Variants in RECQL5 observed in about 807,000 individuals in gnomAD.
The protein encoded by RECQL5 is RecQ like helicase 5.
In RECQL5, 88 loss-of-function variants were observed where a neutral mutation model predicts 103.4. The observed-to-expected ratio is 0.85, with a 90% CI of 0.72 to 1.02. The LOEUF is 1.02. Ranked by LOEUF, RECQL5 falls within the 50% of genes least tolerant of loss-of-function variation. The pLI, the probability that RECQL5 is intolerant of heterozygous loss-of-function variation, is 0.00. For missense variants in RECQL5, 1,232 were observed against 1,284.3 expected (o/e 0.96, Z 0.62); for synonymous variants, 552 against 507.9 (o/e 1.09, Z -1.17).
chr17:75,630,843 G>GGGC lies in RECQL5; in HGVS notation c.1586-7_1586-6insGCC. On this transcript the variant is annotated splice_region_variant and splice_polypyrimidine_tract_variant and intron_variant, in intron 11 of 19. Transcript: ENST00000317905. ...TTTCAGGGGACAGTTCTCATCTGTG[G>GGGC]GGGGGGGGGGTGGTCCTTGGTCCTT... The GGGC allele has an allele frequency of 7.6e-7, 1 of 1,311,064 alleles. No homozygotes were observed. The highest frequency in any genetic ancestry group is 1.8e-5 in the African/African-American group (1 of 55,260). The allele number at this position is 1,311,064 out of a possible 1,614,324, so 81.2% of individuals were successfully genotyped here.
At chr17:75,654,550 A>T (rs997255208) in intron 7 of RECQL5, among the ~76,000 whole-genome samples, 1 of 152,088 alleles carries the variant, frequency 6.6e-6, no homozygotes, top group African/African-American at 2.4e-5. Flanking sequence ...AGTTTTTGAA[A>T]CCTTTGTTAT....
At position 75,636,310 on chromosome 17, in the gene RECQL5, T is replaced by C. The variant is rs2059320913; in HGVS notation, c.1230-4642A>G. Among the ~76,000 whole-genome samples the C allele has an allele frequency of 6.6e-6, 1 of 152,102 alleles. No individual in the cohort carries two copies. The highest frequency in any genetic ancestry group is 2.1e-4 in the South Asian group (1 of 4,826). Reference sequence around the variant, plus strand: ...TACCAAGCGTGGGGTTGGGAGGGACTGGTTGCCCTGGTTCGCAGGTGGGAA... The same window carrying C: ...TACCAAGCGTGGGGTTGGGAGGGACCGGTTGCCCTGGTTCGCAGGTGGGAA... On this transcript the variant is annotated intron_variant, in intron 8 of 19. Transcript: ENST00000317905. This position sits in a 1 kb window ranked among gnomAD's most constrained non-coding sequence, Gnocchi z 5.4.
Position 75,630,664 on chromosome 17 carries a change from T to C in RECQL5, c.1673A>G (p.Glu558Gly), listed in dbSNP as rs951900043. 8 of 1,613,268 alleles carry C rather than the reference T, an allele frequency of 5.0e-6. No individual in the cohort carries two copies. The highest frequency in any genetic ancestry group is 6.8e-6 in the Non-Finnish European group (8 of 1,179,896). ...CTGGCGGTTGCTGCTCAGCGCCTCC[T>C]CCAGAAGCCGCAGGCAGTGCTCCCG... ...KAREHCLRLL[E>G]EALSSNRQST... The change falls in exon 13 of 20, where the codon GAG becomes GGG. Residue 558 changes from glutamate to glycine, a missense_variant. Physicochemically the swap from Glu to Gly is moderately conservative, Grantham distance 98. Transcript: ENST00000317905.
At chr17:75,656,284 G>C (rs1213088846) in intron 7 of RECQL5, among the ~76,000 whole-genome samples, 1 of 151,478 alleles carries the variant, frequency 6.6e-6, no homozygotes, top group Non-Finnish European at 1.5e-5. Context: ...CTCCATGTTG[G>C]TCAGGCTGGT....
chr17:75,633,523 A>C lies in RECQL5; in HGVS notation c.1230-1855T>G, dbSNP rs1266110341. On this transcript the variant is annotated intron_variant, in intron 8 of 19. Coordinates refer to ENST00000317905, the MANE Select transcript of RECQL5 (RefSeq NM_004259.7). ...CACTCCCAGGTCACTCAGGATTCCA[A>C]GTTCTCCCCCAAGACGCCTTCAGAT... The C allele has an allele frequency of 2.3e-6, 3 of 1,287,596 alleles. No individual in the cohort carries two copies. The East Asian group carries it at 1.7e-4, about 72-fold the overall frequency. The allele number at this position is 1,287,596 out of a possible 1,614,324, so 79.8% of individuals were successfully genotyped here.
At chr17:75,656,624 TA>T (rs2059623793) in intron 7 of RECQL5, among the ~76,000 whole-genome samples, 1 of 152,118 alleles carries the variant, frequency 6.6e-6, no homozygotes. Context: ...TATGATTGAG[TA>T]GATTTCTAGT....
chr17:75,652,882 C>G (rs1448505012), intron 7 of RECQL5, among the ~76,000 whole-genome samples: 3 of 152,226 alleles, frequency 2.0e-5, no homozygotes, highest in Admixed American at 6.5e-5. Flanking sequence ...CCAAACTCCC[C>G]CAAAGCCCCT....
chr17:75,665,286 G>A (rs1301867810), intron 2 of RECQL5, 114 bp from the exon 3 acceptor site: 2 of 917,682 alleles, frequency 2.2e-6, no homozygotes, highest in African/African-American at 1.7e-5. Flanking sequence ...GCACATGGGA[G>A]GGTCTCGATG....
intron 13 of RECQL5, 67 bp downstream of exon 13, chr17:75,630,550 CAG>C: frequency 6.5e-7 from 1 of 1,532,318 alleles, no homozygotes; most frequent in East Asian, 2.3e-5. Context: ...CCAGGGTTGA[CAG>C]GGTCCTGCAG....
intron 18 of RECQL5, among the ~76,000 whole-genome samples, chr17:75,627,966 C>A (rs1177894109): frequency 6.6e-6 from 1 of 150,668 alleles, no homozygotes; most frequent in Non-Finnish European, 1.5e-5. Context: ...TTGCAGTGAG[C>A]TGAAATCGCA....
At chr17:75,662,022 G>C (rs1446690288) in intron 4 of RECQL5, among the ~76,000 whole-genome samples, 1 of 152,204 alleles carries the variant, frequency 6.6e-6, no homozygotes, top group East Asian at 1.9e-4. Flanking sequence ...TTAACCGGGA[G>C]TGGTGGCGCA....
Position 75,628,683 on chromosome 17 carries a change from G to C in RECQL5, c.2569C>G (p.Arg857Gly), listed in dbSNP as rs778498749. 1.3e-6 allele frequency: 2 copies of C among 1,587,572 alleles called. No individual in the cohort carries two copies. Among genetic ancestry groups the C allele is most frequent in the East Asian group, 2.2e-5 (1 of 44,778 alleles). Residue 857 changes from arginine (R) to glycine (G), a missense_variant, in exon 17 of 20, where the codon CGA becomes GGA. Physicochemically the swap from Arg to Gly is moderately radical, Grantham distance 125. Coordinates refer to ENST00000317905, the MANE Select transcript of RECQL5 (RefSeq NM_004259.7). ...AKDTWKGKRP[R>G]SQQENPESQP... ...ATCCCTGCCGGCACCTGCTGGGATC[G>C]AGGCCGCTTGCCCTTCCATGTGTCC...
At chr17:75,655,478 C>G (rs907526585) in intron 7 of RECQL5, among the ~76,000 whole-genome samples, 3 of 148,916 alleles carry the variant, frequency 2.0e-5, no homozygotes, top group African/African-American at 7.5e-5. Flanking sequence ...ATTCTCCTGC[C>G]TCAGCCTCCC....
In RECQL5 at chr17:75,630,166, C is replaced by T. The variant is rs895996242; in HGVS notation, c.1812+18G>A. On this transcript the variant is annotated intron_variant, in intron 14 of 19. Coordinates refer to ENST00000317905, the MANE Select transcript of RECQL5 (RefSeq NM_004259.7). ...GGGGCCCCTGCAACGACCCTGGGTCCGCCTGCACCAGGCCCACCTTCTTCA... is the reference window on the plus strand; with the variant it reads ...GGGGCCCCTGCAACGACCCTGGGTCTGCCTGCACCAGGCCCACCTTCTTCA... 3.0e-5 allele frequency: 46 copies of T among 1,529,530 alleles called. No homozygotes were observed. Among genetic ancestry groups the T allele is most frequent in the Middle Eastern group, 1.7e-4 (1 of 5,850 alleles). 94.7% of individuals were successfully genotyped at this position (1,529,530 alleles called of 1,614,324 possible).
At chr17:75,649,702 G>C (rs1238239753) in intron 8 of RECQL5, 1 of 985,360 alleles carries the variant, frequency 1.0e-6, no homozygotes. Flanking sequence ...TCAAAGAACA[G>C]TAGCCAATAC....
Position 75,636,132 on chromosome 17 carries a change from C to A in RECQL5, c.1230-4464G>T, listed in dbSNP as rs2059317095. 2.0e-5 allele frequency among the ~76,000 whole-genome samples: 3 copies of A among 152,220 alleles called. No individual in the cohort carries two copies. Among genetic ancestry groups the A allele is most frequent in the Admixed American group, 1.3e-4 (2 of 15,288 alleles). ...GGGCAGCAGGAGGGCCTGGTGGCAGCTGGGCTACACTCCCTCTTAAGGCCA... is the reference window on the plus strand; with the variant it reads ...GGGCAGCAGGAGGGCCTGGTGGCAGATGGGCTACACTCCCTCTTAAGGCCA... On this transcript the variant is annotated intron_variant, in intron 8 of 19. Coordinates refer to ENST00000317905, the MANE Select transcript of RECQL5 (RefSeq NM_004259.7). The surrounding 1 kb of genome is among the most constrained non-coding windows in gnomAD (Gnocchi z 5.4).
At chr17:75,659,155 G>A (rs1182032229) in intron 6 of RECQL5, among the ~76,000 whole-genome samples, 6 of 151,996 alleles carry the variant, frequency 3.9e-5, no homozygotes, top group Non-Finnish European at 4.4e-5. Flanking sequence ...TCCACCTCCC[G>A]GGTTCAAGCG....
At position 75,629,115 on chromosome 17, in the gene RECQL5, G is replaced by A. The variant is rs532732579; in HGVS notation, c.2308C>T (p.Arg770Ter). The change falls in exon 16 of 20, where the codon CGA becomes TGA. Residue 770 changes from arginine (R) to a stop codon, truncating the protein, a stop_gained. Coordinates refer to ENST00000317905, the MANE Select transcript of RECQL5 (RefSeq NM_004259.7). LOFTEE classifies it high-confidence loss of function. The stretch of plus-strand genomic sequence containing the variant: ...AGCAGAGCTGGGCTTTCCACCCTTC[G>A]GCAGAAGAAGCGGGCGATGCTCTGA... ...DSQSIARFFC[R>*]RVESPALLAS... 120 of 1,613,632 alleles carry A rather than the reference G, an allele frequency of 7.4e-5. No homozygotes were observed. Among genetic ancestry groups the A allele is most frequent in the South Asian group, 3.0e-4 (27 of 91,084 alleles).
intron 8 of RECQL5, among the ~76,000 whole-genome samples, chr17:75,648,533 C>T (rs2059515582): frequency 6.6e-6 from 1 of 151,042 alleles, no homozygotes; most frequent in Admixed American, 6.6e-5. Flanking sequence ...CCACCGTGAC[C>T]GGCTAATTTT....
Sources: gnomAD v4.1 joint callset for allele counts (sites outside exome capture counted in the v4.1 genomes callset) on GRCh38, gnomAD v4.1.1 for gene constraint, Gnocchi (gnomAD v3.1) non-coding constraint, MANE v1.5 for transcripts, NCBI Gene and HGNC (gene_info 2026-07-23, HGNC 2026-07-21) for gene names.